The following ZNF83 variants were observed in gnomAD, a reference collection of about 807,000 sequenced individuals.
ZNF83 encodes the protein zinc finger protein 816B.
For synonymous variants in ZNF83, 209 were observed against 213.0 expected (o/e 0.98, Z 0.17); for missense variants, 552 against 629.9 (o/e 0.88, Z 1.32).
At position 52,667,047 on chromosome 19, in the gene ZNF83, T is replaced by C. The variant is rs1023508901; in HGVS notation, c.-282-6204A>G. ...CTAAGTTAATATGGACTGAACAAGG[T>C]CTTATTAATAGCAAAGAATTGAAAT... On this transcript the variant is annotated intron_variant, in intron 1 of 5. Transcript: ENST00000594682. 6.6e-5 allele frequency among the ~76,000 whole-genome samples: 10 copies of C among 152,084 alleles called. 1 individual carries two copies. Among genetic ancestry groups the C allele is most frequent in the East Asian group, 3.9e-4 (2 of 5,180 alleles).
At chr19:52,630,180 C>A (rs1351654644) in intron 2 of ZNF83, among the ~76,000 whole-genome samples, 2 of 152,198 alleles carry the variant, frequency 1.3e-5, no homozygotes, top group Non-Finnish European at 2.9e-5. Context: ...TCCCAGAGCC[C>A]CTGGAACGCT....
chr19:52,689,503 C>T lies in ZNF83; in HGVS notation c.-283+940G>A, dbSNP rs575195615. Among the ~76,000 whole-genome samples the T allele has an allele frequency of 1.1e-4, 16 of 152,240 alleles. 1 individual carries two copies. In the South Asian group the frequency reaches 2.5e-3, roughly 24 times the overall value. On this transcript the variant is annotated intron_variant, in intron 1 of 5. Transcript: ENST00000594682. ...GCTCTGTCTGCCCTGGCTCCAAATC[C>T]CTCCTCCTCTCCCTCACCCTGATGA...
At chr19:52,662,109 A>G (rs2061588655) in intron 1 of ZNF83, among the ~76,000 whole-genome samples, 1 of 152,214 alleles carries the variant, frequency 6.6e-6, no homozygotes, top group African/African-American at 2.4e-5. Context: ...CCACACTTCA[A>G]AAGAATTTTG....
At chr19:52,656,889 A>G (rs1487820668) in intron 2 of ZNF83, among the ~76,000 whole-genome samples, 2 of 151,002 alleles carry the variant, frequency 1.3e-5, no homozygotes, top group African/African-American at 4.9e-5. Context: ...AAAAAAAATC[A>G]TGGGCTTCTC....
intron 1 of ZNF83, among the ~76,000 whole-genome samples, chr19:52,673,965 G>A (rs1354233785): frequency 7.1e-6 from 1 of 139,874 alleles, no homozygotes; most frequent in Non-Finnish European, 1.5e-5. Context: ...GCAGTGAGTC[G>A]AGATCATGCC....
Position 52,614,691 on chromosome 19 carries a change from T to C in ZNF83, c.-127A>G. Reference sequence around the variant, plus strand: ...GGGTTTCTCTGAAGCAAAAATCTTGTATGTCGTGGCTTTCATGTCTTTCCA... The same window carrying C: ...GGGTTTCTCTGAAGCAAAAATCTTGCATGTCGTGGCTTTCATGTCTTTCCA... On this transcript the variant is annotated 5_prime_UTR_variant, in exon 3 of 3. It adds an upstream start codon to the 5' untranslated region. Coordinates refer to ENST00000301096, the Ensembl canonical transcript of ZNF83. The C allele has an allele frequency of 7.4e-7, 1 of 1,360,458 alleles. No homozygotes were observed. The highest frequency in any genetic ancestry group is 9.5e-7 in the Non-Finnish European group (1 of 1,050,556). The allele number at this position is 1,360,458 out of a possible 1,614,324, so 84.3% of individuals were successfully genotyped here.
intron 1 of ZNF83, among the ~76,000 whole-genome samples, chr19:52,664,692 G>C (rs1055948714): frequency 7.2e-6 from 1 of 139,700 alleles, no homozygotes; most frequent in African/African-American, 2.6e-5. Context: ...AAGGGATGCA[G>C]ATTAAGTGGG....
rs145228238 is a variant in ZNF83 at position 52,623,458 on chromosome 19, C to G, written c.-233-8661G>C. Among the ~76,000 whole-genome samples, 594 of 152,244 alleles carry G rather than the reference C, an allele frequency of 3.9e-3. 20 individuals are homozygous for G. The highest frequency in any genetic ancestry group is 0.035 in the Admixed American group (532 of 15,294). ...ATTTGGTGCCAACTTGAACAATATT[C>G]TTTTATGCACTCCTTTTTAGTTATC... On this transcript the variant is annotated intron_variant, in intron 2 of 2. Transcript: ENST00000301096.
chr19:52,673,484 G>A (rs957382245), intron 1 of ZNF83, among the ~76,000 whole-genome samples: 1 of 150,206 alleles, frequency 6.7e-6, no homozygotes, highest in Non-Finnish European at 1.5e-5. Context: ...GGGTACACAA[G>A]AAGAGTGTAA....
chr19:52,665,205 G>C (rs1257412674), intron 1 of ZNF83, among the ~76,000 whole-genome samples: 1 of 152,050 alleles, frequency 6.6e-6, no homozygotes, highest in Non-Finnish European at 1.5e-5. Flanking sequence ...TGCCTGGGGT[G>C]GGGAGCAGAG....
At chr19:52,618,932 T>G (rs1396801820) in intron 2 of ZNF83, 1 of 1,546,440 alleles carries the variant, frequency 6.5e-7, no homozygotes, top group East Asian at 2.2e-5. Context: ...GAAGTTATCC[T>G]CACCCAGGGA....
chr19:52,639,314 G>A (rs1451303938), upstream of ZNF83, among the ~76,000 whole-genome samples: 2 of 151,570 alleles, frequency 1.3e-5, no homozygotes, highest in African/African-American at 2.4e-5. Context: ...TCAAATTTCC[G>A]ACCTCAAGTA....
At chr19:52,629,431 C>G (rs537929865) in intron 2 of ZNF83, among the ~76,000 whole-genome samples, 13 of 151,790 alleles carry the variant, frequency 8.6e-5, no homozygotes, top group African/African-American at 2.9e-4. Context: ...CCCATCTGAA[C>G]TCTTCCCCTC....
chr19:52,676,892 G>A (rs2147333204), intron 1 of ZNF83, among the ~76,000 whole-genome samples: 1 of 135,306 alleles, frequency 7.4e-6, no homozygotes, highest in South Asian at 2.4e-4. Flanking sequence ...TAAGGGTGGT[G>A]CAAGATGTGC....
chr19:52,617,074 C>T (rs2060336702), intron 2 of ZNF83: 1 of 152,098 alleles, frequency 6.6e-6, no homozygotes, highest in African/African-American at 2.4e-5. Context: ...GGGAAAGATA[C>T]CTAATGCATG....
intron 2 of ZNF83, among the ~76,000 whole-genome samples, chr19:52,660,120 ATGGTGGTAAGAAT>A: frequency 1.4e-5 from 1 of 69,960 alleles, no homozygotes; most frequent in African/African-American, 4.1e-5. Context: ...TGGTAAGACC[ATGGTGGTAAGAAT>A]CATGGTGGTA....
At chr19:52,659,179 C>T (rs73586156) in intron 2 of ZNF83, among the ~76,000 whole-genome samples, 2,844 of 151,956 alleles carry the variant, frequency 0.019, 87 homozygotes, top group African/African-American at 0.057. Flanking sequence ...AACAGACCCC[C>T]CACAGTTCAA....
At position 52,649,139 on chromosome 19, in the gene ZNF83, GTTTT is replaced by G. The variant is rs144059618; in HGVS notation, c.-74+6418_-74+6421del. Among the ~76,000 whole-genome samples, 1,416 of 152,186 alleles carry G rather than the reference GTTTT, an allele frequency of 9.3e-3. 22 individuals carry two copies. The highest frequency in any genetic ancestry group is 0.031 in the African/African-American group (1,298 of 41,518). The stretch of plus-strand genomic sequence containing the variant: ...CACTCGAGGCTGACACAGGTGAGTG[GTTTT>G]TTTGTCTTCCTGCTTCAAACCTGGC... On this transcript the variant is annotated intron_variant, in intron 3 of 5. Transcript: ENST00000594682.
At position 52,677,491 on chromosome 19, in the gene ZNF83, G is replaced by T. The variant is rs142751793; in HGVS notation, c.-283+12952C>A. Reference sequence around the variant, plus strand: ...ACAGAGTGAGACTCTGTCTCAAAAAGAAAAAAAGAAAAAGAGATCCAAAAA... The same window carrying T: ...ACAGAGTGAGACTCTGTCTCAAAAATAAAAAAAGAAAAAGAGATCCAAAAA... On this transcript the variant is annotated intron_variant, in intron 1 of 5. Coordinates refer to the ZNF83 transcript ENST00000594682. Among the ~76,000 whole-genome samples the T allele has an allele frequency of 1.0e-4, 15 of 150,498 alleles. No homozygotes were observed. The East Asian group carries it at 2.7e-3, about 28-fold the overall frequency.
Sources: gnomAD v4.1 joint callset for allele counts (sites outside exome capture counted in the v4.1 genomes callset) on GRCh38, gnomAD v4.1.1 for gene constraint, MANE v1.5 for transcripts, NCBI Gene and HGNC (gene_info 2026-07-23, HGNC 2026-07-21) for gene names.